The following PRKN variants were observed in gnomAD, a reference collection of about 807,000 sequenced individuals.
The protein encoded by PRKN is E3 ubiquitin-protein ligase parkin.
PRKN carries 56 observed loss-of-function variants against 59.5 expected under a neutral mutation model. The observed-to-expected ratio is 0.94, with a 90% CI of 0.76 to 1.18. The LOEUF (loss-of-function observed/expected upper bound fraction) is 1.18. Among genes scored for constraint, PRKN ranks in the 50% most tolerant of loss-of-function variants. The probability of loss-of-function intolerance (pLI) is 0.00; values close to 1 mark genes in which losing one functional copy is unlikely to be tolerated. For synonymous variants in PRKN, 250 were observed against 222.1 expected, an observed-to-expected ratio of 1.13 and a Z score of -1.12; for missense variants, 657 against 596.4, an observed-to-expected ratio of 1.10 and a Z score of -1.06.
chr6:162,648,155 A>G (rs547439790), intron 1 of PRKN, among the ~76,000 whole-genome samples: 2 of 152,226 alleles, frequency 1.3e-5, no homozygotes, highest in African/African-American at 4.8e-5. Context: ...ACTGTATTAA[A>G]TATCACATGT....
At chr6:161,989,729 T>C (rs1369636965) in intron 5 of PRKN, among the ~76,000 whole-genome samples, 2 of 152,100 alleles carry the variant, frequency 1.3e-5, no homozygotes. Flanking sequence ...CCCCACATGC[T>C]GCTATTAATG....
rs1355514754 is a variant in PRKN at position 161,410,105 on chromosome 6, G to A, written c.1084-23228C>T. Among the ~76,000 whole-genome samples the A allele has an allele frequency of 1.3e-5, 2 of 152,162 alleles. No homozygotes were observed. Among genetic ancestry groups the A allele is most frequent in the Non-Finnish European group, 2.9e-5 (2 of 68,028 alleles). On this transcript the variant is annotated intron_variant, in intron 9 of 11. Transcript: ENST00000366898. The surrounding 1 kb of genome is among the most constrained non-coding windows in gnomAD (Gnocchi z 5.3). ...CGTGCATCTGCTGGGTCAGCGGTCT[G>A]GCACTTTTTTTGAGTGTCTGCTGCC... is the stretch of plus-strand genomic sequence containing the variant.
At chr6:162,659,533 T>C (rs937296130) in intron 1 of PRKN, among the ~76,000 whole-genome samples, 1 of 152,180 alleles carries the variant, frequency 6.6e-6, no homozygotes, top group African/African-American at 2.4e-5. Flanking sequence ...CTGGGACATT[T>C]TGATCATAAT....
At chr6:162,591,457 C>A (rs531919725) in intron 1 of PRKN, among the ~76,000 whole-genome samples, 25 of 152,032 alleles carry the variant, frequency 1.6e-4, no homozygotes, top group African/African-American at 5.3e-4. Flanking sequence ...ATGATGAAGT[C>A]AGGGTATTTA....
chr6:162,456,272 A>T (rs192694264), intron 1 of PRKN, among the ~76,000 whole-genome samples: 1 of 152,330 alleles, frequency 6.6e-6, no homozygotes. Flanking sequence ...ATCCACAGAC[A>T]GGTTACCATG....
At chr6:162,322,745 T>C (rs192609611) in intron 2 of PRKN, among the ~76,000 whole-genome samples, 128 of 152,192 alleles carry the variant, frequency 8.4e-4, no homozygotes, top group African/African-American at 2.9e-3. Flanking sequence ...ATATGAACTA[T>C]GGTCTATATC....
At chr6:161,613,730 T>C (rs527687393) in intron 7 of PRKN, among the ~76,000 whole-genome samples, 1 of 152,314 alleles carries the variant, frequency 6.6e-6, no homozygotes, top group East Asian at 1.9e-4. Context: ...ATTTGCTTTA[T>C]TGCAGTGGGC....
intron 4 of PRKN, among the ~76,000 whole-genome samples, chr6:162,106,739 AAT>A (rs1015725215): frequency 3.9e-5 from 6 of 152,172 alleles, no homozygotes; most frequent in Non-Finnish European, 8.8e-5. Context: ...GCCTCTAACC[AAT>A]ACCTTCCCCT....
At chr6:161,946,386 T>TCACACA (rs368190954) in intron 6 of PRKN, among the ~76,000 whole-genome samples, 1,286 of 113,246 alleles carry the variant, frequency 0.011, 22 homozygotes, top group African/African-American at 0.032. Flanking sequence ...TGCATGCACA[T>TCACACA]CACACACACA....
intron 1 of PRKN, among the ~76,000 whole-genome samples, chr6:162,534,074 C>T (rs1583747299): frequency 6.6e-6 from 1 of 151,768 alleles, no homozygotes; most frequent in East Asian, 1.9e-4. Context: ...GTTAGTCATA[C>T]ATCATCTGCC....
intron 7 of PRKN, among the ~76,000 whole-genome samples, chr6:161,633,808 G>A (rs926358311): frequency 6.6e-6 from 1 of 152,054 alleles, no homozygotes; most frequent in Non-Finnish European, 1.5e-5. Flanking sequence ...CATTCCACTC[G>A]ATTTTTCTAA....
At chr6:162,718,303 A>AT (rs1406774870) in intron 1 of PRKN, among the ~76,000 whole-genome samples, 1 of 152,184 alleles carries the variant, frequency 6.6e-6, no homozygotes, top group African/African-American at 2.4e-5. Context: ...GCATAAGATG[A>AT]TTAAATTGGC....
intron 9 of PRKN, among the ~76,000 whole-genome samples, chr6:161,537,182 G>T (rs1262173327): frequency 1.3e-5 from 2 of 152,008 alleles, no homozygotes; most frequent in Non-Finnish European, 2.9e-5. Flanking sequence ...GCTTTTCTAC[G>T]TACTTCCTAT....
At chr6:161,911,617 T>A (rs533191025) in intron 6 of PRKN, among the ~76,000 whole-genome samples, 1 of 152,094 alleles carries the variant, frequency 6.6e-6, no homozygotes, top group Admixed American at 6.5e-5. Context: ...CATATCTTGG[T>A]GTTATTGTCA....
In PRKN at chr6:162,489,168, T is replaced by G. The variant is rs1416683308; in HGVS notation, c.8-45695A>C. Among the ~76,000 whole-genome samples the G allele has an allele frequency of 4.6e-5, 7 of 152,164 alleles. No individual in the cohort carries two copies. The East Asian group carries it at 1.4e-3, about 29-fold the overall frequency. On this transcript the variant is annotated intron_variant, in intron 1 of 11. Coordinates refer to ENST00000366898, the MANE Select transcript of PRKN (RefSeq NM_004562.3). ...GGCAGTGTCTTAAAGAACAACCTAATAATCTATGTACTGGTATAAACCTTA... is the reference window on the plus strand; with the variant it reads ...GGCAGTGTCTTAAAGAACAACCTAAGAATCTATGTACTGGTATAAACCTTA...
chr6:162,555,927 G>T (rs1411381987), intron 1 of PRKN, among the ~76,000 whole-genome samples: 2 of 143,002 alleles, frequency 1.4e-5, no homozygotes, highest in Non-Finnish European at 3.0e-5. Context: ...GGAGGTGGAG[G>T]TTGCGGTGTG....
chr6:162,031,005 C>A (rs554592588), intron 5 of PRKN, among the ~76,000 whole-genome samples: 3 of 152,148 alleles, frequency 2.0e-5, no homozygotes, highest in Non-Finnish European at 4.4e-5. Context: ...GAAACTATAG[C>A]GCATTTCCTC....
intron 4 of PRKN, among the ~76,000 whole-genome samples, chr6:162,077,202 A>T (rs1028105343): frequency 6.6e-5 from 10 of 152,156 alleles, no homozygotes; most frequent in African/African-American, 2.4e-4. Flanking sequence ...CAAATGCACA[A>T]ATAATTACCA....
intron 3 of PRKN, among the ~76,000 whole-genome samples, chr6:162,221,194 C>A (rs138953172): frequency 3.3e-5 from 5 of 152,166 alleles, no homozygotes; most frequent in Non-Finnish European, 7.3e-5. Flanking sequence ...TCATTTAGTG[C>A]GTAAGGAATT....
Sources: allele counts gnomAD v4.1 joint callset (sites outside exome capture counted in the v4.1 genomes callset), GRCh38; gene constraint gnomAD v4.1.1; non-coding constraint Gnocchi (gnomAD v3.1); transcripts MANE v1.5; gene names NCBI Gene and HGNC (gene_info 2026-07-23, HGNC 2026-07-21).